RBPJ: variants seen among roughly 807,000 people sequenced by gnomAD.
RBPJ encodes recombination signal binding protein for immunoglobulin kappa J region, also known as recombining binding protein suppressor of hairless.
In RBPJ, 9 loss-of-function variants were observed where a neutral mutation model predicts 67.8. That is an observed-to-expected ratio of 0.13 (90% CI 0.08 to 0.23). The LOEUF (loss-of-function observed/expected upper bound fraction) is 0.23, where lower values mean the gene tolerates loss of function less well. RBPJ is among the 10% of genes least tolerant of loss of function. The pLI is 1.00. For missense variants in RBPJ, 305 were observed against 595.6 expected (o/e 0.51, Z 5.08); for synonymous variants, 198 against 203.3 (o/e 0.97, Z 0.22).
intron 1 of RBPJ, among the ~76,000 whole-genome samples, chr4:26,194,109 A>G (rs1349842899): frequency 1.3e-5 from 2 of 152,192 alleles, no homozygotes; most frequent in Non-Finnish European, 2.9e-5. Flanking sequence ...TGATAGACAC[A>G]CAGGTGTTTA....
chr4:26,416,699 T>C (rs950955731), intron 4 of RBPJ, among the ~76,000 whole-genome samples: 2 of 152,218 alleles, frequency 1.3e-5, no homozygotes, highest in African/African-American at 2.4e-5. Context: ...TACATCCTTG[T>C]TGAATATTTT....
chr4:26,363,566 G>A (rs1438700290), intron 1 of RBPJ, among the ~76,000 whole-genome samples: 2 of 152,102 alleles, frequency 1.3e-5, no homozygotes, highest in Admixed American at 6.5e-5. Context: ...AGCCTTCCGA[G>A]TAGCTGGGAC....
chr4:26,126,066 T>A, the RBPJ span, among the ~76,000 whole-genome samples: 19 of 150,710 alleles, frequency 1.3e-4, no homozygotes, highest in African/African-American at 4.6e-4. Context: ...AGAATTGCTT[T>A]AAAAAAAAAA....
At chr4:26,240,122 C>T (rs1354969820) in intron 1 of RBPJ, among the ~76,000 whole-genome samples, 1 of 152,144 alleles carries the variant, frequency 6.6e-6, no homozygotes, top group Non-Finnish European at 1.5e-5. Flanking sequence ...ACAGAATGCC[C>T]AATTAACACT....
chr4:26,415,359 G>A, intron 3 of RBPJ, 116 bp from the exon 4 acceptor site: 2 of 895,618 alleles, frequency 2.2e-6, no homozygotes, highest in Non-Finnish European at 3.3e-6. Flanking sequence ...TTTTCATTGG[G>A]GAATAGGTGC....
At chr4:26,393,313 C>G (rs1441671936) in intron 2 of RBPJ, among the ~76,000 whole-genome samples, 2 of 152,078 alleles carry the variant, frequency 1.3e-5, no homozygotes, top group Non-Finnish European at 2.9e-5. Flanking sequence ...TTTTATTAAG[C>G]ACAAACTTGG....
chr4:26,165,298 A>G (rs1716229469), intron 1 of RBPJ, among the ~76,000 whole-genome samples: 1 of 152,198 alleles, frequency 6.6e-6, no homozygotes, highest in Non-Finnish European at 1.5e-5. Context: ...ATATGCTATA[A>G]TTATCTATGC....
At chr4:26,395,708 G>A (rs1009452357) in intron 2 of RBPJ, among the ~76,000 whole-genome samples, 2 of 152,158 alleles carry the variant, frequency 1.3e-5, no homozygotes, top group South Asian at 4.1e-4. Context: ...CAGTCTTCCA[G>A]TGTGCAGAAC....
At chr4:26,366,231 A>G (rs1001181062) in intron 1 of RBPJ, among the ~76,000 whole-genome samples, 1 of 152,184 alleles carries the variant, frequency 6.6e-6, no homozygotes, top group Non-Finnish European at 1.5e-5. Context: ...CCTCAGCCAC[A>G]AAAGCTTCAG....
At chr4:26,310,474 A>G (rs1431626645) in intron 1 of RBPJ, among the ~76,000 whole-genome samples, 2 of 152,212 alleles carry the variant, frequency 1.3e-5, no homozygotes, top group African/African-American at 2.4e-5. Context: ...ATCTGATAAC[A>G]AGAAACCTTG....
At chr4:26,402,905 T>G (rs1488143489) in intron 2 of RBPJ, among the ~76,000 whole-genome samples, 2 of 152,178 alleles carry the variant, frequency 1.3e-5, no homozygotes, top group African/African-American at 4.8e-5. Context: ...AGTTGACTTT[T>G]GTCAGCAGAA....
chr4:26,417,175 G>A (rs1217148170), intron 4 of RBPJ, among the ~76,000 whole-genome samples: 3 of 152,190 alleles, frequency 2.0e-5, no homozygotes, highest in Admixed American at 2.0e-4. Context: ...AGAAGCCAGG[G>A]ATTCTAGCTA....
At chr4:26,362,575 C>A in intron 1 of RBPJ, 1 of 1,613,234 alleles carries the variant, frequency 6.2e-7, no homozygotes. Flanking sequence ...CGAAGTGTTC[C>A]AAGCTGTGAC....
rs555790978 is a variant in RBPJ, at chr4:26,407,245, CTTGAGCTTAGGTTAA to C, written c.155+983_155+997del. Among the ~76,000 whole-genome samples the C allele has an allele frequency of 3.5e-3, 526 of 152,276 alleles. 4 individuals are homozygous for C. The highest frequency in any genetic ancestry group is 0.012 in the African/African-American group (508 of 41,550). Reference sequence around the variant, plus strand: ...AATAAGCTCTTGATCCTAAAACTGTCTTGAGCTTAGGTTAATTGAGCTATGGAATGATTATAAAGA... The same window carrying C: ...AATAAGCTCTTGATCCTAAAACTGTCTTGAGCTATGGAATGATTATAAAGA... On this transcript the variant is annotated intron_variant, in intron 3 of 10. Coordinates refer to ENST00000355476, the MANE Select transcript of RBPJ (RefSeq NM_015874.6).
chr4:26,228,372 A>G (rs1332149614), intron 1 of RBPJ, among the ~76,000 whole-genome samples: 2 of 152,114 alleles, frequency 1.3e-5, no homozygotes, highest in Non-Finnish European at 2.9e-5. Context: ...GCACACTCAC[A>G]CTCACACCCA....
At chr4:26,192,819 C>T (rs978902856) in intron 1 of RBPJ, among the ~76,000 whole-genome samples, 6 of 152,290 alleles carry the variant, frequency 3.9e-5, no homozygotes, top group Middle Eastern at 3.4e-3. Context: ...GATAACAGCC[C>T]TCCAAAATGT....
At chr4:26,407,121 A>C (rs985996955) in intron 3 of RBPJ, among the ~76,000 whole-genome samples, 1 of 152,262 alleles carries the variant, frequency 6.6e-6, no homozygotes, top group Non-Finnish European at 1.5e-5. Context: ...CTTATGTGAT[A>C]CATTAGCTTA....
intron 1 of RBPJ, among the ~76,000 whole-genome samples, chr4:26,244,315 GTA>G (rs373038499): frequency 0.071 from 28 of 392 alleles, 1 homozygote; most frequent in Non-Finnish European, 0.17. Flanking sequence ...ACATATGTGT[GTA>G]TATGTATACA....
At chr4:26,353,630 A>G (rs866997571) in intron 1 of RBPJ, among the ~76,000 whole-genome samples, 1 of 142,184 alleles carries the variant, frequency 7.0e-6, no homozygotes, top group Non-Finnish European at 1.5e-5. Context: ...TTTTTTTGAC[A>G]GAGTCTTGCT....
Sources: gnomAD v4.1 joint callset for allele counts (sites outside exome capture counted in the v4.1 genomes callset) on GRCh38, gnomAD v4.1.1 for gene constraint, MANE v1.5 for transcripts, NCBI Gene and HGNC (gene_info 2026-07-23, HGNC 2026-07-21) for gene names.